Variants in SEMA3A observed in about 807,000 individuals in gnomAD.
SEMA3A encodes the protein semaphorin-3A.
In SEMA3A, 29 loss-of-function variants were observed where a neutral mutation model predicts 97.9. That is an observed-to-expected ratio of 0.30 (90% CI 0.22 to 0.40). The LOEUF is 0.40. SEMA3A is among the 10% of genes least tolerant of loss of function. The probability of loss-of-function intolerance (pLI) is 1.00; values close to 1 mark genes in which losing one functional copy is unlikely to be tolerated. For synonymous variants in SEMA3A, 321 were observed against 323.7 expected (o/e 0.99, Z 0.09); for missense variants, 763 against 951.3 (o/e 0.80, Z 2.60).
chr7:84,002,618 TC>T (rs1374163778), intron 11 of SEMA3A, among the ~76,000 whole-genome samples: 3 of 152,288 alleles, frequency 2.0e-5, no homozygotes, highest in Admixed American at 6.5e-5. Flanking sequence ...ACTTAGAAGT[TC>T]CTAATGATGG....
chr7:84,335,133 C>G (rs111701348), intron 2 of SEMA3A, among the ~76,000 whole-genome samples: 2 of 152,124 alleles, frequency 1.3e-5, no homozygotes, highest in African/African-American at 4.8e-5. Context: ...GGAGGATAAA[C>G]TCTCTAAATT....
At chr7:84,137,463 A>G (rs1028970405) in intron 1 of SEMA3A, among the ~76,000 whole-genome samples, 2 of 151,760 alleles carry the variant, frequency 1.3e-5, no homozygotes, top group African/African-American at 4.8e-5. Context: ...ACAAATGATC[A>G]ATGCTATGCT....
At position 84,244,264 on chromosome 7, in the gene SEMA3A, C is replaced by CTGGGTGCTCCTGTAT. The variant is rs1277071183; in HGVS notation, c.-82-49611_-82-49597dup. 3.3e-5 allele frequency among the ~76,000 whole-genome samples: 5 copies of CTGGGTGCTCCTGTAT among 152,256 alleles called. 1 individual carries two copies. Among genetic ancestry groups the CTGGGTGCTCCTGTAT allele is most frequent in the African/African-American group, 1.2e-4 (5 of 41,556 alleles). On this transcript the variant is annotated intron_variant, in intron 3 of 3. Transcript: ENST00000424555. ...GTCTCTAAGAACTTGCTTTATGAGT[C>CTGGGTGCTCCTGTAT]TGGGTGCTCCTGTATTGGGTGCATA...
At chr7:84,313,398 ATATATAT>A (rs1562898832) in intron 2 of SEMA3A, among the ~76,000 whole-genome samples, 38 of 125,480 alleles carry the variant, frequency 3.0e-4, no homozygotes, top group African/African-American at 5.5e-4. Flanking sequence ...ATATATATAT[ATATATAT>A]AAACTATACG....
intron 1 of SEMA3A, among the ~76,000 whole-genome samples, chr7:84,381,671 G>A (rs949236924): frequency 1.3e-5 from 2 of 152,012 alleles, no homozygotes; most frequent in Non-Finnish European, 2.9e-5. Flanking sequence ...CCTTCTATAT[G>A]CTATGGTATG....
intron 4 of SEMA3A, among the ~76,000 whole-genome samples, chr7:84,107,630 G>A (rs537218252): frequency 6.6e-6 from 1 of 152,224 alleles, no homozygotes; most frequent in Non-Finnish European, 1.5e-5. Context: ...TATTTGGGTA[G>A]AGGAAATCCT....
chr7:84,134,942 T>C lies in SEMA3A; in HGVS notation c.122A>G (p.Glu41Gly). 6.2e-7 allele frequency: 1 copy of C among 1,612,340 alleles called. No individual in the cohort carries two copies. The highest frequency in any genetic ancestry group is 8.5e-7 in the Non-Finnish European group (1 of 1,179,482). Residue 41 changes from glutamate to glycine, a missense_variant, in exon 2 of 17, where the codon GAA becomes GGA. By Grantham distance (98) the Glu-to-Gly change is moderately conservative. Around this residue, in one of 2 missense-constraint regions of SEMA3A, gnomAD observed 85 missense variants for 70.0 expected, o/e 1.21. Transcript: ENST00000265362. Reference sequence around the variant, plus strand: ...ATTGAAAGTGATCACATTGTTGGATTCCAACATTTCTGCAAGGTAACAAAG... The same window carrying C: ...ATTGAAAGTGATCACATTGTTGGATCCCAACATTTCTGCAAGGTAACAAAG... Reference protein sequence around the residue: ...RLKLSYKEMLESNNVITFNGL... With the variant: ...RLKLSYKEMLGSNNVITFNGL...
At chr7:84,270,616 T>C (rs901202256) in intron 3 of SEMA3A, among the ~76,000 whole-genome samples, 2 of 147,890 alleles carry the variant, frequency 1.4e-5, no homozygotes, top group Non-Finnish European at 3.0e-5. Context: ...TATTCATATA[T>C]ATGCATATAT....
In SEMA3A at chr7:84,476,384, A is replaced by T. The variant is rs547602270; in HGVS notation, c.-246+16076T>A. 5.1e-4 allele frequency among the ~76,000 whole-genome samples: 77 copies of T among 151,612 alleles called. No individual in the cohort carries two copies. The East Asian group carries it at 0.012, about 24-fold the overall frequency. On this transcript the variant is annotated intron_variant, in intron 1 of 3. Coordinates refer to the SEMA3A transcript ENST00000424555. The stretch of plus-strand genomic sequence containing the variant: ...AAAAAAAAAAAAAAGAAAAGAAAAA[A>T]TTTTTTTTCAATGTGTCTTAGTTGT...
chr7:84,223,017 A>G (rs1350943333), intron 3 of SEMA3A, among the ~76,000 whole-genome samples: 1 of 151,920 alleles, frequency 6.6e-6, no homozygotes, highest in Admixed American at 6.6e-5. Context: ...TTCTGGACAC[A>G]TTATATAGGT....
intron 1 of SEMA3A, among the ~76,000 whole-genome samples, chr7:84,453,129 T>C (rs1240467750): frequency 6.6e-6 from 1 of 152,170 alleles, no homozygotes; most frequent in African/African-American, 2.4e-5. Context: ...AAAATAGTCG[T>C]ATCCTTATAC....
intron 1 of SEMA3A, among the ~76,000 whole-genome samples, chr7:84,416,551 T>A (rs1262959317): frequency 6.6e-6 from 1 of 152,140 alleles, no homozygotes. Context: ...GCTCATTTTA[T>A]TGGTGCTGAT....
intron 6 of SEMA3A, among the ~76,000 whole-genome samples, chr7:84,032,555 A>G (rs995778858): frequency 1.3e-5 from 2 of 152,158 alleles, no homozygotes; most frequent in Non-Finnish European, 2.9e-5. Context: ...TAATTATATG[A>G]AGAAGGAAAT....
At chr7:84,242,236 C>T (rs1054580509) in intron 3 of SEMA3A, among the ~76,000 whole-genome samples, 4 of 152,116 alleles carry the variant, frequency 2.6e-5, no homozygotes, top group Non-Finnish European at 5.9e-5. Context: ...GCCATTTTCA[C>T]GATACTGATT....
intron 1 of SEMA3A, among the ~76,000 whole-genome samples, chr7:84,461,757 A>T (rs370242026): frequency 2.2e-4 from 34 of 152,340 alleles, no homozygotes; most frequent in East Asian, 9.6e-4. Context: ...CAGAAAAGAA[A>T]AACTAAAGCA....
intron 2 of SEMA3A, among the ~76,000 whole-genome samples, chr7:84,335,854 G>T (rs1300040309): frequency 6.6e-6 from 1 of 151,980 alleles, no homozygotes; most frequent in East Asian, 1.9e-4. Context: ...TTTAAGAGTA[G>T]ATTTTATTTT....
intron 15 of SEMA3A, among the ~76,000 whole-genome samples, chr7:83,965,901 G>C (rs1164422020): frequency 1.3e-5 from 2 of 149,246 alleles, no homozygotes; most frequent in African/African-American, 4.9e-5. Context: ...GGATGGTCTC[G>C]ATCTCCTGAC....
chr7:84,422,053 T>C (rs1287174794), intron 1 of SEMA3A, among the ~76,000 whole-genome samples: 2 of 151,908 alleles, frequency 1.3e-5, no homozygotes, highest in Non-Finnish European at 2.9e-5. Flanking sequence ...GAGAGGAATC[T>C]TTCTTTTTTA....
chr7:84,141,718 A>G (rs1300282775), intron 1 of SEMA3A, among the ~76,000 whole-genome samples: 2 of 151,708 alleles, frequency 1.3e-5, no homozygotes, highest in Non-Finnish European at 2.9e-5. Flanking sequence ...CCCTCTATGT[A>G]TTGTTCCCCT....
Sources: gnomAD v4.1 joint callset for allele counts (sites outside exome capture counted in the v4.1 genomes callset) on GRCh38, gnomAD v4.1.1 for gene constraint, gnomAD v4.1.1 regional missense constraint, MANE v1.5 for transcripts, NCBI Gene and HGNC (gene_info 2026-07-23, HGNC 2026-07-21) for gene names.